The following BRSK2 variants were observed in gnomAD, a reference collection of about 807,000 sequenced individuals.
BRSK2 encodes BR serine/threonine kinase 2, also known as serine/threonine-protein kinase BRSK2.
In BRSK2, 19 loss-of-function variants were observed where a neutral mutation model predicts 83.3. The ratio of observed to expected loss-of-function variants is 0.23; its 90% CI spans 0.16 to 0.33. BRSK2 has a LOEUF of 0.33. Among genes scored for constraint, BRSK2 ranks in the 10% least tolerant of loss-of-function variants. The pLI, the probability that BRSK2 is intolerant of heterozygous loss-of-function variation, is 1.00. For missense variants in BRSK2, 798 were observed against 1,042.3 expected, an observed-to-expected ratio of 0.77 and a Z score of 3.23; for synonymous variants, 519 against 435.4, an observed-to-expected ratio of 1.19 and a Z score of -2.39.
chr11:1,461,143 TGGGA>T lies in BRSK2; in HGVS notation c.*423_*426del. ...CCTCGCCTCAGCTCCGCACGGCCCG[TGGGA>T]GGAAGGCCAGGCTCGGGGGAGCCTC... On this transcript the variant is annotated 3_prime_UTR_variant, in exon 20 of 20. Transcript: ENST00000528841. 8.5e-7 allele frequency: 1 copy of T among 1,175,696 alleles called. No homozygotes were observed. The highest frequency in any genetic ancestry group is 1.5e-5 in the South Asian group (1 of 65,074). The allele number at this position is 1,175,696 out of a possible 1,614,324, so 72.8% of individuals were successfully genotyped here.
chr11:1,450,307 T>C (rs1845661394), intron 13 of BRSK2, among the ~76,000 whole-genome samples: 2 of 150,402 alleles, frequency 1.3e-5, no homozygotes, highest in South Asian at 2.1e-4. Flanking sequence ...AGCCCGAAGC[T>C]TGTGGGAGCG....
In BRSK2 at chr11:1,433,911, G is replaced by A. The variant is rs536317674; in HGVS notation, c.92-2129G>A. On this transcript the variant is annotated intron_variant, in intron 1 of 19. Transcript: ENST00000528841. ...TGCCTCTGGGGAAGCCCGCTTCTTCGGCAAGGTCCTGGGTCCCCCACCCGG... is the reference window on the plus strand; with the variant it reads ...TGCCTCTGGGGAAGCCCGCTTCTTCAGCAAGGTCCTGGGTCCCCCACCCGG... Among the ~76,000 whole-genome samples the A allele has an allele frequency of 2.5e-4, 38 of 152,358 alleles. 1 individual carries two copies. In the South Asian group the frequency reaches 5.4e-3, roughly 22 times the overall value.
chr11:1,438,350 C>T lies in BRSK2; in HGVS notation c.231C>T (p.His77=), dbSNP rs751052541. 54 of 1,613,984 alleles carry T rather than the reference C, an allele frequency of 3.3e-5. No homozygotes were observed. Among genetic ancestry groups the T allele is most frequent in the Admixed American group, 1.0e-4 (6 of 60,010 alleles). The change falls in exon 3 of 20, where the codon CAC becomes CAT. Residue 77 remains histidine (H), a synonymous_variant. Coordinates refer to ENST00000528841, the MANE Select transcript of BRSK2 (RefSeq NM_001256627.2). This position sits in a 1 kb window ranked among gnomAD's most constrained non-coding sequence, Gnocchi z 6.4. ...IAILKLIEHP[H]VLKLHDVYEN... ...TCCTGAAGCTCATTGAGCACCCCCA[C>T]GTCCTAAAGCTGCACGACGTTTATG...
intron 1 of BRSK2, among the ~76,000 whole-genome samples, chr11:1,419,282 C>G (rs550372567): frequency 4.0e-5 from 6 of 151,890 alleles, no homozygotes; most frequent in Non-Finnish European, 8.8e-5. Flanking sequence ...AGGTGTGAGT[C>G]TGGGCACCGG....
At position 1,459,307 on chromosome 11, in the gene BRSK2, GGCC is replaced by G. The variant is rs1463590025; in HGVS notation, c.1987+72_1987+74del. 1.3e-5 allele frequency: 21 copies of G among 1,580,742 alleles called. No homozygotes were observed. The Admixed American group carries it at 1.7e-4, about 13-fold the overall frequency. ...TCACCGCTCACCCTCAGCCCGCTGT[GGCC>G]GCCACCTGCCGCCCGGGTTGTCCCG... On this transcript the variant is annotated intron_variant, in intron 19 of 19. Coordinates refer to ENST00000528841, the MANE Select transcript of BRSK2 (RefSeq NM_001256627.2).
chr11:1,448,864 T>A (rs1852575000), intron 12 of BRSK2, among the ~76,000 whole-genome samples: 1 of 152,330 alleles, frequency 6.6e-6, no homozygotes, highest in Non-Finnish European at 1.5e-5. Flanking sequence ...AGCGTGGCAC[T>A]CTCCACGGTC....
At chr11:1,445,528 G>A (rs746429136) in intron 10 of BRSK2, 43 bp from the exon 11 acceptor site, 34 of 1,600,938 alleles carry the variant, frequency 2.1e-5, no homozygotes, top group African/African-American at 1.1e-4. Context: ...AGGAGCCGGC[G>A]GCCCCGTGTG....
At chr11:1,436,312 GCTC>G (rs2133011523) in intron 2 of BRSK2, among the ~76,000 whole-genome samples, 178 bp downstream of exon 2, 1 of 152,192 alleles carries the variant, frequency 6.6e-6, no homozygotes, top group African/African-American at 2.4e-5. Context: ...CTTTGCTCTT[GCTC>G]CTCCCTCCAG....
intron 1 of BRSK2, chr11:1,410,577 GT>G: frequency 1.0e-6 from 1 of 985,476 alleles, no homozygotes; most frequent in South Asian, 4.7e-5. Flanking sequence ...AGGCTCTCTG[GT>G]CCCCGGGAGT....
chr11:1,447,881 C>A (rs764145779), intron 12 of BRSK2: 4 of 1,587,918 alleles, frequency 2.5e-6, no homozygotes, highest in East Asian at 4.5e-5. Context: ...CCCCGACCAC[C>A]CGTCCCCGCA....
intron 1 of BRSK2, among the ~76,000 whole-genome samples, chr11:1,397,542 C>A (rs1444069953): frequency 6.6e-6 from 1 of 152,238 alleles, no homozygotes; most frequent in Non-Finnish European, 1.5e-5. Context: ...CCACGGAGGC[C>A]GTGGCTGCCC....
chr11:1,457,188 C>T, intron 18 of BRSK2: 1 of 776,810 alleles, frequency 1.3e-6, no homozygotes, highest in Non-Finnish European at 2.0e-6. Flanking sequence ...CCGGGCGGCC[C>T]ATCTGCTAGG....
Position 1,461,276 on chromosome 11 carries a change from C to T in BRSK2, c.*553C>T, listed in dbSNP as rs1170168080. 6 of 518,216 alleles carry T rather than the reference C, an allele frequency of 1.2e-5. No individual in the cohort carries two copies. Among genetic ancestry groups the T allele is most frequent in the African/African-American group, 2.0e-5 (1 of 49,172 alleles). The allele number at this position is 518,216 out of a possible 1,614,324, so 32.1% of individuals were successfully genotyped here. ...GGACCCCTGGTGGGCAACGTAGCCA[C>T]AGGAACAGGCCCCGTCCACCGCCTC... is the stretch of plus-strand genomic sequence containing the variant. On this transcript the variant is annotated 3_prime_UTR_variant, in exon 20 of 20. Transcript: ENST00000528841.
intron 1 of BRSK2, among the ~76,000 whole-genome samples, chr11:1,397,765 G>A (rs1846216103): frequency 1.3e-5 from 2 of 152,220 alleles, no homozygotes; most frequent in South Asian, 4.1e-4. Flanking sequence ...GGACAGAGCT[G>A]CCTTTCCTGG....
chr11:1,391,115 C>G (rs544740399), intron 1 of BRSK2, among the ~76,000 whole-genome samples: 2 of 152,216 alleles, frequency 1.3e-5, no homozygotes, highest in Non-Finnish European at 2.9e-5. Flanking sequence ...CCTGCGGGGC[C>G]GAACCCAGGC....
At chr11:1,428,801 TG>T (rs1849543397) in intron 1 of BRSK2, among the ~76,000 whole-genome samples, 1 of 150,940 alleles carries the variant, frequency 6.6e-6, no homozygotes. Flanking sequence ...GCATGTGCAC[TG>T]GGGTGTATGT....
chr11:1,429,096 A>G (rs1288484587), intron 1 of BRSK2, among the ~76,000 whole-genome samples: 3 of 108,704 alleles, frequency 2.8e-5, no homozygotes, highest in Non-Finnish European at 3.7e-5. Context: ...GGGTGCGTGC[A>G]TGTGTGCACT....
intron 1 of BRSK2, among the ~76,000 whole-genome samples, chr11:1,408,812 G>GT (rs1564801426): frequency 1.4e-3 from 198 of 143,248 alleles, no homozygotes; most frequent in Non-Finnish European, 1.6e-3. Flanking sequence ...TGCCTGTGCT[G>GT]GTGTGTGTGT....
chr11:1,418,388 A>G (rs1336419327), intron 1 of BRSK2, among the ~76,000 whole-genome samples: 15 of 104,228 alleles, frequency 1.4e-4, no homozygotes, highest in Admixed American at 2.4e-4. Context: ...GGTCACCTGT[A>G]TCCTGCTTCT....
Sources: allele counts gnomAD v4.1 joint callset (sites outside exome capture counted in the v4.1 genomes callset), GRCh38; gene constraint gnomAD v4.1.1; non-coding constraint Gnocchi (gnomAD v3.1); transcripts MANE v1.5; gene names NCBI Gene and HGNC (gene_info 2026-07-23, HGNC 2026-07-21).